The following TOMM7 variants were observed in gnomAD, a reference collection of about 807,000 sequenced individuals.
TOMM7 encodes translocase of outer mitochondrial membrane 7, also known as mitochondrial import receptor subunit TOM7 homolog.
In TOMM7, 8 loss-of-function variants were observed where a neutral mutation model predicts 9.5. The ratio of observed to expected loss-of-function variants is 0.84; its 90% CI spans 0.49 to 1.51. TOMM7 has a LOEUF of 1.51. Ranked by LOEUF, TOMM7 falls within the 40% of genes most tolerant of loss-of-function variation. The probability of loss-of-function intolerance (pLI) is 0.00; values close to 1 mark genes in which losing one functional copy is unlikely to be tolerated. For missense variants in TOMM7, 74 were observed against 63.7 expected (o/e 1.16, Z -0.55); for synonymous variants, 27 against 21.4 (o/e 1.26, Z -0.72).
At chr7:22,822,442 A>T in intron 1 of TOMM7, 1 of 761,126 alleles carries the variant, frequency 1.3e-6, no homozygotes, top group Non-Finnish European at 2.1e-6. Flanking sequence ...CACTTTAAGG[A>T]TGCAAAAATA....
intron 2 of TOMM7, among the ~76,000 whole-genome samples, chr7:22,816,771 G>A (rs1782321878): frequency 6.6e-6 from 1 of 152,170 alleles, no homozygotes; most frequent in African/African-American, 2.4e-5. Context: ...TTAAGAAAGA[G>A]GTAAAATTAC....
chr7:22,819,375 C>CT (rs58550366), intron 1 of TOMM7, among the ~76,000 whole-genome samples: 107,910 of 149,318 alleles, frequency 0.72, 39,929 homozygotes, highest in East Asian at 0.99. Context: ...AAACACTATT[C>CT]TTTTTTTTTT....
rs1393900534 is a variant in TOMM7 at position 22,818,007 on chromosome 7, C to T, written c.145G>A (p.Val49Ile). ...TAGTTTTAAGAGCAGTACCTCAAAA[C>T]AGTTGGTTCAGGCATTCCGGGATCT... Reference protein sequence around the residue: ...GADPGMPEPTVLSLLWG With the variant: ...GADPGMPEPTILSLLWG The change falls in exon 2 of 3, where the codon GTT (valine) becomes ATT (isoleucine). Residue 49 changes from valine to isoleucine, a missense_variant. Transcript: ENST00000358435. 1 of 1,613,772 alleles carries T rather than the reference C, an allele frequency of 6.2e-7. No homozygotes were observed. Among genetic ancestry groups the T allele is most frequent in the Non-Finnish European group, 8.5e-7 (1 of 1,179,922 alleles).
intron 2 of TOMM7, among the ~76,000 whole-genome samples, chr7:22,815,215 C>G (rs1376894162): frequency 6.6e-6 from 1 of 152,160 alleles, no homozygotes; most frequent in Non-Finnish European, 1.5e-5. Flanking sequence ...GATGCTTCAT[C>G]TAGTCGCTGA....
intron 1 of TOMM7, chr7:22,818,280 T>TC: frequency 2.4e-6 from 1 of 413,520 alleles, no homozygotes; most frequent in Non-Finnish European, 4.5e-6. Context: ...CTTATTCCTT[T>TC]CTTTTTGAGA....
At chr7:22,821,502 G>A (rs1782390762) in intron 1 of TOMM7, among the ~76,000 whole-genome samples, 1 of 152,110 alleles carries the variant, frequency 6.6e-6, no homozygotes, top group African/African-American at 2.4e-5. Flanking sequence ...GCGCGGGGCG[G>A]AGGCCGGCTG....
intron 1 of TOMM7, among the ~76,000 whole-genome samples, chr7:22,821,692 G>A (rs1270593965): frequency 3.3e-5 from 5 of 151,998 alleles, no homozygotes; most frequent in African/African-American, 1.2e-4. Context: ...AGAGATTGCG[G>A]TGGGCAGAGA....
chr7:22,818,071 G>A, intron 1 of TOMM7, 23 bp from the exon 2 acceptor site: 1 of 1,609,158 alleles, frequency 6.2e-7, no homozygotes, highest in Admixed American at 1.7e-5. Context: ...AGACAGAAGA[G>A]AAAAAATATT....
At chr7:22,817,445 G>A (rs1322318866) in intron 2 of TOMM7, 5 of 178,244 alleles carry the variant, frequency 2.8e-5, no homozygotes, top group African/African-American at 9.6e-5. Context: ...GTCTCGCTAC[G>A]TTGCCCAGGC....
At chr7:22,815,285 CTTGCCCCACTT>C (rs1204835682) in intron 2 of TOMM7, among the ~76,000 whole-genome samples, 1 of 152,122 alleles carries the variant, frequency 6.6e-6, no homozygotes, top group Non-Finnish European at 1.5e-5. Context: ...AAGACACATT[CTTGCCCCACTT>C]CTGTATCCTA....
rs1782336695 is a variant in TOMM7 at position 22,817,884 on chromosome 7, A to G, written c.152+116T>C. The G allele has an allele frequency of 4.1e-6, 4 of 983,622 alleles. 1 individual carries two copies. Among genetic ancestry groups the G allele is most frequent in the Middle Eastern group, 2.6e-4 (1 of 3,822 alleles). 60.9% of individuals were successfully genotyped at this position (983,622 alleles called of 1,614,324 possible). A position where few individuals can be genotyped will look rare whatever the true frequency, so the allele number is the denominator to read the frequency against. On this transcript the variant is annotated intron_variant, in intron 2 of 2. Coordinates refer to ENST00000358435, the MANE Select transcript of TOMM7 (RefSeq NM_019059.5). Reference sequence around the variant, plus strand: ...TGCAGTTTTCCAATAGCCCAAAACTATACTGACTGATAAAGCTCCATTTCA... The same window carrying G: ...TGCAGTTTTCCAATAGCCCAAAACTGTACTGACTGATAAAGCTCCATTTCA...
intron 1 of TOMM7, 94 bp downstream of exon 1, chr7:22,822,583 A>G (rs1782408955): frequency 2.7e-6 from 3 of 1,124,572 alleles, no homozygotes; most frequent in Non-Finnish European, 4.0e-6. Flanking sequence ...AGTGTCCCCT[A>G]TTTTTCTCTC....
chr7:22,818,646 G>A (rs74933133), intron 1 of TOMM7, among the ~76,000 whole-genome samples: 5,520 of 152,010 alleles, frequency 0.036, 141 homozygotes, highest in African/African-American at 0.07. Flanking sequence ...TACACAATTG[G>A]CACAGTTGCC....
intron 1 of TOMM7, chr7:22,822,081 G>A: frequency 1.3e-6 from 2 of 1,516,222 alleles, no homozygotes; most frequent in Admixed American, 2.1e-5. Flanking sequence ...CCCACTGCCT[G>A]AGCCCCTAAC....
At chr7:22,817,795 A>G (rs1160880013) in intron 2 of TOMM7, 2 of 496,460 alleles carry the variant, frequency 4.0e-6, no homozygotes, top group East Asian at 3.3e-5. Context: ...CTGTTAAAAT[A>G]TGCTTCATTG....
chr7:22,816,636 G>C (rs542208523), intron 2 of TOMM7, among the ~76,000 whole-genome samples: 1 of 152,336 alleles, frequency 6.6e-6, no homozygotes, highest in African/African-American at 2.4e-5. Context: ...AACTGCAGAA[G>C]TGAACAATTT....
At chr7:22,821,376 C>T (rs1215835812) in intron 1 of TOMM7, among the ~76,000 whole-genome samples, 1 of 149,648 alleles carries the variant, frequency 6.7e-6, no homozygotes, top group African/African-American at 2.5e-5. Context: ...CGCCACTGCA[C>T]TCCAGCCTGG....
intron 1 of TOMM7, among the ~76,000 whole-genome samples, chr7:22,819,240 T>TAA (rs1212991039): frequency 6.6e-6 from 1 of 151,658 alleles, no homozygotes; most frequent in Non-Finnish European, 1.5e-5. Flanking sequence ...ATTTAAAAGA[T>TAA]AAAAAATAGT....
rs1462117025 is a variant in TOMM7 at position 22,820,486 on chromosome 7, G to A, written c.103+2191C>T. Among the ~76,000 whole-genome samples, 4 of 152,118 alleles carry A rather than the reference G, an allele frequency of 2.6e-5. No individual in the cohort carries two copies. In the East Asian group the frequency reaches 7.7e-4, roughly 29 times the overall value. ...GGAATCTCAAAACAGGGAGGAGGAG[G>A]GAACAGTAGATGAAAAGACTTACAG... On this transcript the variant is annotated intron_variant, in intron 1 of 2. Coordinates refer to ENST00000358435, the MANE Select transcript of TOMM7 (RefSeq NM_019059.5).
Sources: gnomAD v4.1 joint callset for allele counts (sites outside exome capture counted in the v4.1 genomes callset) on GRCh38, gnomAD v4.1.1 for gene constraint, MANE v1.5 for transcripts, NCBI Gene and HGNC (gene_info 2026-07-23, HGNC 2026-07-21) for gene names.